The following CTSZ variants were observed in gnomAD, a reference collection of about 807,000 sequenced individuals.
CTSZ encodes the protein carboxypeptidase LB.
A neutral mutation model predicts 32.4 loss-of-function variants in CTSZ; 39 were observed. That is an observed-to-expected ratio of 1.20 (90% CI 0.93 to 1.57). The LOEUF (loss-of-function observed/expected upper bound fraction) is 1.57, where lower values mean the gene tolerates loss of function less well. Among genes scored for constraint, CTSZ ranks in the 40% most tolerant of loss-of-function variants. The pLI is 0.00. For missense variants in CTSZ, 397 were observed against 419.6 expected, an observed-to-expected ratio of 0.95 and a Z score of 0.47; for synonymous variants, 168 against 170.1, an observed-to-expected ratio of 0.99 and a Z score of 0.10.
chr20:59,002,967 C>T lies in CTSZ; in HGVS notation c.308-1323G>A, dbSNP rs573438005. On this transcript the variant is annotated intron_variant, in intron 2 of 5. Coordinates refer to ENST00000217131, the MANE Select transcript of CTSZ (RefSeq NM_001336.4). The surrounding 1 kb of genome is among the most constrained non-coding windows in gnomAD (Gnocchi z 4.1). ...CCCCGGCCCCTCCCACTCACTATCA[C>T]GGTTTTCTGCTTCACTCAATGGTTT... 2.6e-5 allele frequency among the ~76,000 whole-genome samples: 4 copies of T among 152,294 alleles called. No homozygotes were observed. Among genetic ancestry groups the T allele is most frequent in the African/African-American group, 7.2e-5 (3 of 41,566 alleles).
Position 58,997,639 on chromosome 20 carries a change from T to C in CTSZ, c.602A>G (p.Lys201Arg). Residue 201 changes from lysine to arginine, a missense_variant, in exon 4 of 6, where the codon AAG becomes AGG. Coordinates refer to ENST00000217131, the MANE Select transcript of CTSZ (RefSeq NM_001336.4). Reference sequence around the variant, plus strand: ...ATTTGCATAGATTTCTGCCATCATCTTCTCCCTCCCAGAGAGGGAGCCGTA... The same window carrying C: ...ATTTGCATAGATTTCTGCCATCATCCTCTCCCTCCCAGAGAGGGAGCCGTA... ...GDYGSLSGRE[K>R]MMAEIYANGP... 1.2e-6 allele frequency: 2 copies of C among 1,605,172 alleles called. No homozygotes were observed. Among genetic ancestry groups the C allele is most frequent in the Non-Finnish European group, 1.7e-6 (2 of 1,175,770 alleles).
intron 5 of CTSZ, among the ~76,000 whole-genome samples, chr20:58,996,352 C>T (rs919873655): frequency 1.3e-5 from 2 of 152,188 alleles, no homozygotes; most frequent in Non-Finnish European, 2.9e-5. Flanking sequence ...CACCAGGCAC[C>T]ATCTGGAGAC....
Position 59,001,632 on chromosome 20 carries a change from A to T in CTSZ, c.320T>A (p.Ile107Asn). ...GGAGGGCCACGCTCCCTTCCTCTTG[A>T]TGTTGATCCGATCTGCAACAGTCAG... ...STSAMADRINIKRKGAWPSTL... is the reference protein window; with the variant it reads ...STSAMADRINNKRKGAWPSTL... Residue 107 changes from isoleucine (I) to asparagine (N), a missense_variant, in exon 3 of 6, where the codon ATC becomes AAC. By Grantham distance (149) the Ile-to-Asn change is moderately radical. Coordinates refer to ENST00000217131, the MANE Select transcript of CTSZ (RefSeq NM_001336.4). The T allele has an allele frequency of 6.2e-7, 1 of 1,613,714 alleles. No individual in the cohort carries two copies.
rs866552636 is a variant in CTSZ, at chr20:59,001,592, C to T, written c.360G>A (p.Val120=). The change falls in exon 3 of 6, where the codon GTG becomes GTA. Residue 120 remains valine (V), a synonymous_variant. Transcript: ENST00000217131. ...CGTTACCGCAGTCGATGACGTTCTG[C>T]ACGGACAGGAGGGTGGAGGGCCACG... is the stretch of plus-strand genomic sequence containing the variant. ...KGAWPSTLLS[V]QNVIDCGNAG... is the part of the protein sequence containing the mutation. 21 of 1,614,102 alleles carry T rather than the reference C, an allele frequency of 1.3e-5. No individual in the cohort carries two copies. The highest frequency in any genetic ancestry group is 1.8e-5 in the Non-Finnish European group (21 of 1,180,028).
At chr20:59,000,197 G>C (rs985631352) in intron 3 of CTSZ, among the ~76,000 whole-genome samples, 2 of 151,932 alleles carry the variant, frequency 1.3e-5, no homozygotes, top group South Asian at 2.1e-4. Flanking sequence ...GAACAACATG[G>C]AGAAACCCCG....
chr20:59,000,068 CA>C (rs756514968), intron 3 of CTSZ, among the ~76,000 whole-genome samples: 871 of 68,936 alleles, frequency 0.013, 14 homozygotes, highest in African/African-American at 0.04. Context: ...GACTCCGTCT[CA>C]AAAAAAAAAA....
chr20:58,996,726 A>C lies in CTSZ; in HGVS notation c.714T>G (p.Tyr238Ter), dbSNP rs2091862376. 6.2e-7 allele frequency: 1 copy of C among 1,614,062 alleles called. No individual in the cohort carries two copies. Among genetic ancestry groups the C allele is most frequent in the African/African-American group, 1.3e-5 (1 of 74,932 alleles). The change falls in exon 5 of 6, where the codon TAT becomes TAG. Residue 238 changes from tyrosine (Y) to a stop codon, truncating the protein, a stop_gained. Transcript: ENST00000217131. LOFTEE classifies it high-confidence loss of function. ...CAGCCACAGAAACGACATGGTTTATATATGTGGTGTCCTGGTATTCGGCAT... is the reference window on the plus strand; with the variant it reads ...CAGCCACAGAAACGACATGGTTTATCTATGTGGTGTCCTGGTATTCGGCAT... Reference protein sequence around the residue: ...GIYAEYQDTTYINHVVSVAGW... With the variant: ...GIYAEYQDTT
Position 59,001,574 on chromosome 20 carries a change from G to T in CTSZ, c.378C>A (p.Cys126Ter). The T allele has an allele frequency of 6.2e-7, 1 of 1,614,184 alleles. No individual in the cohort carries two copies. The highest frequency in any genetic ancestry group is 1.1e-5 in the South Asian group (1 of 91,092). The change falls in exon 3 of 6, where the codon TGC (cysteine) becomes TGA (stop). Residue 126 changes from cysteine (C) to a stop codon, truncating the protein, a stop_gained. Coordinates refer to ENST00000217131, the MANE Select transcript of CTSZ (RefSeq NM_001336.4). LOFTEE classifies it high-confidence loss of function. Reference protein sequence around the residue: ...TLLSVQNVIDCGNAGSCEGGN... With the variant: ...TLLSVQNVID ...CCCCTTCACAGGAGCCAGCGTTACC[G>T]CAGTCGATGACGTTCTGCACGGACA...
intron 5 of CTSZ, 66 bp from the exon 6 acceptor site, chr20:58,995,825 G>GC (rs2091856632): frequency 1.5e-6 from 2 of 1,369,948 alleles, no homozygotes; most frequent in East Asian, 2.3e-5. Flanking sequence ...GCTGCCGTCA[G>GC]CCCCCTGCCC....
At chr20:58,999,366 T>A (rs1358141568) in intron 3 of CTSZ, among the ~76,000 whole-genome samples, 3 of 152,144 alleles carry the variant, frequency 2.0e-5, no homozygotes, top group African/African-American at 7.2e-5. Context: ...ATGAGCTCCA[T>A]CTGCTCCTGT....
chr20:59,003,775 C>T (rs1045427184), intron 2 of CTSZ, among the ~76,000 whole-genome samples: 3 of 152,070 alleles, frequency 2.0e-5, no homozygotes, highest in African/African-American at 4.8e-5. Flanking sequence ...CTCCACTCTC[C>T]GCAGGAGCAG....
intron 3 of CTSZ, among the ~76,000 whole-genome samples, chr20:59,000,103 C>T (rs999202000): frequency 1.3e-5 from 2 of 150,854 alleles, no homozygotes; most frequent in African/African-American, 2.4e-5. Flanking sequence ...TATGGCCGGG[C>T]GCAGCAGCTC....
chr20:59,006,435 C>T lies in CTSZ; in HGVS notation c.194G>A (p.Ser65Asn). The T allele has an allele frequency of 6.2e-7, 1 of 1,614,004 alleles. No individual in the cohort carries two copies. The highest frequency in any genetic ancestry group is 8.5e-7 in the Non-Finnish European group (1 of 1,180,016). Residue 65 changes from serine to asparagine, a missense_variant, in exon 2 of 6, where the codon AGC becomes AAC. Ser to Asn is a conservative substitution (Grantham distance 46, BLOSUM62 1). Coordinates refer to ENST00000217131, the MANE Select transcript of CTSZ (RefSeq NM_001336.4). ...ACCATCCACATTGCGCCAGTCCCAG[C>T]TCTTGGGCAGATCCGCTGGGGACAG... ...EYLSPADLPKSWDWRNVDGVN... is the reference protein window; with the variant it reads ...EYLSPADLPKNWDWRNVDGVN...
chr20:58,996,575 A>G, intron 5 of CTSZ, 64 bp downstream of exon 5: 1 of 1,541,938 alleles, frequency 6.5e-7, no homozygotes, highest in Non-Finnish European at 9.0e-7. Flanking sequence ...AGAACCATTC[A>G]AGCGAGAGGA....
In CTSZ at chr20:59,006,464, C is replaced by T. The variant is rs2146367071; in HGVS notation, c.165G>A (p.Glu55=). The part of the protein sequence containing the change: ...LGRSTYPRPH[E]YLSPADLPKS... ...TGGGCAGATCCGCTGGGGACAGGTACTCATGAGGCCGGGGGTATGTGCTGA... is the reference window on the plus strand; with the variant it reads ...TGGGCAGATCCGCTGGGGACAGGTATTCATGAGGCCGGGGGTATGTGCTGA... Residue 55 remains glutamate (E), a synonymous_variant, in exon 2 of 6, where the codon GAG becomes GAA. Transcript: ENST00000217131. 6.2e-7 allele frequency: 1 copy of T among 1,613,440 alleles called. No homozygotes were observed. The highest frequency in any genetic ancestry group is 1.1e-5 in the South Asian group (1 of 91,084).
At position 58,995,806 on chromosome 20, in the gene CTSZ, G is replaced by A. The variant is rs375173339; in HGVS notation, c.802-47C>T. ...GTCAGCCCATCTGCAGCCGTCTCCC[G>A]CTCCCCTTGCTGCCGTCAGCCCCCT... On this transcript the variant is annotated intron_variant, in intron 5 of 5. Transcript: ENST00000217131. The A allele has an allele frequency of 5.9e-6, 9 of 1,534,426 alleles. No homozygotes were observed. In the African/African-American group the frequency reaches 6.8e-5, roughly 12 times the overall value.
At chr20:58,999,497 C>T (rs906495814) in intron 3 of CTSZ, among the ~76,000 whole-genome samples, 9 of 105,994 alleles carry the variant, frequency 8.5e-5, no homozygotes, top group Non-Finnish European at 1.3e-4. Context: ...TCTGATAGCC[C>T]TTCCCTCTGC....
rs528038526 is a variant in CTSZ at position 59,004,626 on chromosome 20, G to A, written c.307+1696C>T. On this transcript the variant is annotated intron_variant, in intron 2 of 5. Transcript: ENST00000217131. This position sits in a 1 kb window ranked among gnomAD's most constrained non-coding sequence, Gnocchi z 5.6. ...GTGGGAGAGCTTCCCTGAGTGGGAA[G>A]GGACGGGCTCAGTGAGGGGACAAGA... 2.2e-4 allele frequency among the ~76,000 whole-genome samples: 33 copies of A among 152,270 alleles called. No homozygotes were observed. In the South Asian group the frequency reaches 5.4e-3, roughly 25 times the overall value.
intron 2 of CTSZ, chr20:59,006,040 A>G: frequency 2.1e-6 from 1 of 478,176 alleles, no homozygotes; most frequent in Non-Finnish European, 3.8e-6. Flanking sequence ...TTCTATCCCA[A>G]TGGCTGAGGT....
Sources: gnomAD v4.1 joint callset for allele counts (sites outside exome capture counted in the v4.1 genomes callset) on GRCh38, gnomAD v4.1.1 for gene constraint, Gnocchi (gnomAD v3.1) non-coding constraint, MANE v1.5 for transcripts, NCBI Gene and HGNC (gene_info 2026-07-23, HGNC 2026-07-21) for gene names.